Variants in SUN2 observed in about 807,000 individuals in gnomAD.
SUN2 encodes Sad1 and UNC84 domain containing 2.
SUN2 carries 60 observed loss-of-function variants against 100.0 expected under a neutral mutation model. That is an observed-to-expected ratio of 0.60 (90% confidence interval 0.49 to 0.74). The LOEUF (loss-of-function observed/expected upper bound fraction) is 0.74, where lower values mean the gene tolerates loss of function less well. SUN2 is among the 30% of genes least tolerant of loss of function. The pLI is 0.00. For synonymous variants in SUN2, 367 were observed against 403.3 expected, an observed-to-expected ratio of 0.91 and a Z score of 1.08; for missense variants, 834 against 954.6, an observed-to-expected ratio of 0.87 and a Z score of 1.66.
Position 38,755,919 on chromosome 22 carries a change from A to T in SUN2, c.-194T>A. The T allele has an allele frequency of 1.0e-6, 1 of 982,628 alleles. No individual in the cohort carries two copies. The highest frequency in any genetic ancestry group is 1.2e-6 in the Non-Finnish European group (1 of 828,936). 60.9% of individuals were successfully genotyped at this position (982,628 alleles called of 1,614,324 possible). A position where few individuals can be genotyped will look rare whatever the true frequency, so the allele number is the denominator to read the frequency against. On this transcript the variant is annotated 5_prime_UTR_variant, in exon 1 of 18. Transcript: ENST00000689035. The surrounding 1 kb of genome is among the most constrained non-coding windows in gnomAD (Gnocchi z 5.7). ...GCGCGCGGGCACGCGAAGAGCGGCG[A>T]CGCGGGACAAGGCGGGCGGGCGGAC...
Position 38,755,992 on chromosome 22 carries a change from C to A in SUN2, c.-267G>T. 3 of 984,542 alleles carry A rather than the reference C, an allele frequency of 3.0e-6. No individual in the cohort carries two copies. Among genetic ancestry groups the A allele is most frequent in the African/African-American group, 1.7e-5 (1 of 57,224 alleles). The allele number at this position is 984,542 out of a possible 1,614,324, so 61.0% of individuals were successfully genotyped here. ...GCTGCGCGAGTGGGGCCGGGCGGCG[C>A]GCGTGTGGCCGACTCTGTATGTGTG... On this transcript the variant is annotated 5_prime_UTR_variant, in exon 1 of 18. Transcript: ENST00000689035. The surrounding 1 kb of genome is among the most constrained non-coding windows in gnomAD (Gnocchi z 5.7).
chr22:38,755,200 G>T lies in SUN2; in HGVS notation c.-38+563C>A, dbSNP rs930132678. 14 of 1,174,788 alleles carry T rather than the reference G, an allele frequency of 1.2e-5. No individual in the cohort carries two copies. The Admixed American group carries it at 5.2e-4, about 43-fold the overall frequency. The allele number at this position is 1,174,788 out of a possible 1,614,324, so 72.8% of individuals were successfully genotyped here. A position where few individuals can be genotyped will look rare whatever the true frequency, so the allele number is the denominator to read the frequency against. Reference sequence around the variant, plus strand: ...ATTTCCACTCCCTGGGCACAGCCAGGCCACACGCCCTTGTGGGACCTGCCA... The same window carrying T: ...ATTTCCACTCCCTGGGCACAGCCAGTCCACACGCCCTTGTGGGACCTGCCA... On this transcript the variant is annotated intron_variant, in intron 1 of 17. Transcript: ENST00000689035. The surrounding 1 kb of genome is among the most constrained non-coding windows in gnomAD (Gnocchi z 5.7).
Position 38,751,414 on chromosome 22 carries a change from G to A in SUN2, c.123-41C>T, listed in dbSNP as rs984530086. ...GAGGGCAGAGGTAGGGAGCAGGGAG[G>A]TGAGCCCAGCCAGGAGCATGAAGGA... is the stretch of plus-strand genomic sequence containing the variant. On this transcript the variant is annotated intron_variant, in intron 2 of 17. Transcript: ENST00000689035. 5.6e-6 allele frequency: 9 copies of A among 1,606,754 alleles called. No individual in the cohort carries two copies. The African/African-American group carries it at 1.1e-4, about 19-fold the overall frequency.
chr22:38,735,428 C>T lies in SUN2; in HGVS notation c.*839G>A. The T allele has an allele frequency of 3.0e-6, 1 of 338,530 alleles. No homozygotes were observed. The highest frequency in any genetic ancestry group is 2.2e-5 in the South Asian group (1 of 45,482). 21.0% of individuals were successfully genotyped at this position (338,530 alleles called of 1,614,324 possible). On this transcript the variant is annotated 3_prime_UTR_variant, in exon 18 of 18. Transcript: ENST00000689035. Reference sequence around the variant, plus strand: ...TTGCTATAACCCCAGATGCTAATGGCCCCAAAGACAGGTCTAGGTCTCCAT... The same window carrying T: ...TTGCTATAACCCCAGATGCTAATGGTCCCAAAGACAGGTCTAGGTCTCCAT...
At chr22:38,752,389 G>T in intron 2 of SUN2, 118 bp downstream of exon 2, 2 of 1,355,234 alleles carry the variant, frequency 1.5e-6, no homozygotes, top group South Asian at 1.4e-5. Flanking sequence ...CACGTCCTTC[G>T]ATTTCCACCC....
At chr22:38,744,004 A>T (rs1304653444) in intron 8 of SUN2, 1 of 152,214 alleles carries the variant, frequency 6.6e-6, no homozygotes, top group Non-Finnish European at 1.5e-5. Context: ...GCACTTTGGG[A>T]GGCCAAGGCG....
In SUN2 at chr22:38,738,698, C is replaced by T; in HGVS notation, c.1836G>A (p.Val612=). 1 of 1,613,712 alleles carries T rather than the reference C, an allele frequency of 6.2e-7. No homozygotes were observed. ...GGCGGATGCGGGCAGAGAGGCGGAC[C>T]ACGGCGAAGCCTTGTGGCCCCTGGA... ...WAFQGPQGFA[V]VRLSARIRPT... The change falls in exon 16 of 18, where the codon GTG becomes GTA. Residue 612 remains valine, a synonymous_variant. Transcript: ENST00000689035. The surrounding 1 kb of genome is among the most constrained non-coding windows in gnomAD (Gnocchi z 6.6).
chr22:38,752,432 GACC>G, intron 2 of SUN2, 72 bp downstream of exon 2: 1 of 1,526,590 alleles, frequency 6.6e-7, no homozygotes, highest in East Asian at 2.3e-5. Flanking sequence ...GGGATGGCTG[GACC>G]ACAGGGCGTG....
At chr22:38,746,965 T>G (rs1221763523) in intron 7 of SUN2, among the ~76,000 whole-genome samples, 1 of 149,106 alleles carries the variant, frequency 6.7e-6, no homozygotes. Context: ...ACCTGGGAGG[T>G]GGAGCTTGCA....
At position 38,748,739 on chromosome 22, in the gene SUN2, A is replaced by C; in HGVS notation, c.659T>G (p.Leu220Arg). Residue 220 changes from leucine to arginine, a missense_variant, in exon 7 of 18, where the codon CTG becomes CGG. By Grantham distance (102) the Leu-to-Arg change is moderately radical. Around this residue, in one of 3 missense-constraint regions of SUN2, gnomAD observed 559 missense variants for 597.7 expected, o/e 0.94. Transcript: ENST00000689035. The part of the protein sequence containing the change: ...LKTFLWFLLP[L>R]LLLTCLTYGA... The stretch of plus-strand genomic sequence containing the variant: ...ATACGTCAGGCACGTCAGCAAGAGC[A>C]GCGGCAGCAGGAACCAGAGGAACGT... 1 of 1,614,224 alleles carries C rather than the reference A, an allele frequency of 6.2e-7. No homozygotes were observed. Among genetic ancestry groups the C allele is most frequent in the Non-Finnish European group, 8.5e-7 (1 of 1,180,036 alleles).
chr22:38,738,318 C>T lies in SUN2; in HGVS notation c.1948-53G>A. ...AGGGGCTGGAGCAGGGAGAACACCC[C>T]TCCCCACTCCAATCCCTGCTCCTCC... is the stretch of plus-strand genomic sequence containing the variant. On this transcript the variant is annotated intron_variant, in intron 16 of 17. Coordinates refer to ENST00000689035, the MANE Select transcript of SUN2 (RefSeq NM_015374.3). The surrounding 1 kb of genome is among the most constrained non-coding windows in gnomAD (Gnocchi z 6.6). 1 of 1,475,748 alleles carries T rather than the reference C, an allele frequency of 6.8e-7. No homozygotes were observed. 91.4% of individuals were successfully genotyped at this position (1,475,748 alleles called of 1,614,324 possible). A position where few individuals can be genotyped will look rare whatever the true frequency, so the allele number is the denominator to read the frequency against.
At chr22:38,749,322 C>T (rs1019335037) in intron 6 of SUN2, among the ~76,000 whole-genome samples, 10 of 152,118 alleles carry the variant, frequency 6.6e-5, no homozygotes, top group African/African-American at 2.4e-4. Flanking sequence ...TCAGGCAGAG[C>T]CTCTTTGTGG....
chr22:38,745,629 C>G lies in SUN2; in HGVS notation c.813+55G>C, dbSNP rs971092510. On this transcript the variant is annotated intron_variant, in intron 8 of 17. Coordinates refer to ENST00000689035, the MANE Select transcript of SUN2 (RefSeq NM_015374.3). ...AGGCTGAGGGCGCACCCACCACTTT[C>G]ACCGTCACCTAATTATTGCTAAGCT... 4 of 1,599,468 alleles carry G rather than the reference C, an allele frequency of 2.5e-6. No homozygotes were observed. In the African/African-American group the frequency reaches 5.3e-5, roughly 21 times the overall value.
In SUN2 at chr22:38,740,334, A is replaced by C; in HGVS notation, c.1289T>G (p.Leu430Arg). The C allele has an allele frequency of 6.3e-7, 1 of 1,597,126 alleles. No individual in the cohort carries two copies. Among genetic ancestry groups the C allele is most frequent in the Non-Finnish European group, 8.5e-7 (1 of 1,172,664 alleles). The change falls in exon 12 of 18, where the codon CTG becomes CGG. Residue 430 changes from leucine (L) to arginine (R), a missense_variant. Leu to Arg is a moderately radical substitution (Grantham distance 102). Coordinates refer to ENST00000689035, the MANE Select transcript of SUN2 (RefSeq NM_015374.3). This position sits in a 1 kb window ranked among gnomAD's most constrained non-coding sequence, Gnocchi z 4.8. Reference sequence around the variant, plus strand: ...TTCTTCCGCCACCGAGCTCTGCTTCAGTGCCAGAGCCGCCAGCTCCTGCTG... The same window carrying C: ...TTCTTCCGCCACCGAGCTCTGCTTCCGTGCCAGAGCCGCCAGCTCCTGCTG... ...GLQQELAALA[L>R]KQSSVAEEVG...
intron 7 of SUN2, among the ~76,000 whole-genome samples, chr22:38,746,535 A>G (rs746381887): frequency 2.0e-5 from 3 of 152,190 alleles, no homozygotes; most frequent in Non-Finnish European, 4.4e-5. Context: ...GCTCATGCCC[A>G]TGGGGCTTGA....
At chr22:38,741,439 T>C in intron 10 of SUN2, 55 bp downstream of exon 10, 1 of 1,561,080 alleles carries the variant, frequency 6.4e-7, no homozygotes, top group Non-Finnish European at 8.8e-7. Context: ...GAGGTGAACA[T>C]GTTGGATGGG....
chr22:38,752,733 G>T (rs2092956335), intron 1 of SUN2, 68 bp from the exon 2 acceptor site: 2 of 1,483,770 alleles, frequency 1.3e-6, no homozygotes, highest in Admixed American at 2.0e-5. Flanking sequence ...TCTAGAGGAG[G>T]TGGGACAGAG....
rs529451583 is a variant in SUN2 at position 38,738,667 on chromosome 22, C to A, written c.1867G>T (p.Ala623Ser). Reference sequence around the variant, plus strand: ...TTGGGCACATGCTCTAAGGTAACGGCTGTGGGGCGGATGCGGGCAGAGAGG... The same window carrying A: ...TTGGGCACATGCTCTAAGGTAACGGATGTGGGGCGGATGCGGGCAGAGAGG... ...VRLSARIRPTAVTLEHVPKAL... is the reference protein window; with the variant it reads ...VRLSARIRPTSVTLEHVPKAL... Residue 623 changes from alanine (A) to serine (S), a missense_variant, in exon 16 of 18, where the codon GCC becomes TCC. By Grantham distance (99) the Ala-to-Ser change is moderately conservative. Coordinates refer to ENST00000689035, the MANE Select transcript of SUN2 (RefSeq NM_015374.3). This position sits in a 1 kb window ranked among gnomAD's most constrained non-coding sequence, Gnocchi z 6.6. 1.1e-5 allele frequency: 17 copies of A among 1,613,992 alleles called. No individual in the cohort carries two copies. The South Asian group carries it at 1.6e-4, about 16-fold the overall frequency.
Position 38,755,843 on chromosome 22 carries a change from G to A in SUN2, c.-118C>T. ...CGGGGCGCGCCCCCTTTCCGCGTGG[G>A]GATCCCGCGGGCGGCGCTCCGCTCA... is the stretch of plus-strand genomic sequence containing the variant. On this transcript the variant is annotated 5_prime_UTR_variant, in exon 1 of 18. Coordinates refer to ENST00000689035, the MANE Select transcript of SUN2 (RefSeq NM_015374.3). This position sits in a 1 kb window ranked among gnomAD's most constrained non-coding sequence, Gnocchi z 5.7. The A allele has an allele frequency of 1.0e-6, 1 of 982,962 alleles. No individual in the cohort carries two copies. The highest frequency in any genetic ancestry group is 1.2e-6 in the Non-Finnish European group (1 of 828,992). The allele number at this position is 982,962 out of a possible 1,614,324, so 60.9% of individuals were successfully genotyped here. A position where few individuals can be genotyped will look rare whatever the true frequency, so the allele number is the denominator to read the frequency against.
Sources: gnomAD v4.1 joint callset for allele counts (sites outside exome capture counted in the v4.1 genomes callset) on GRCh38, gnomAD v4.1.1 for gene constraint, gnomAD v4.1.1 regional missense constraint, Gnocchi (gnomAD v3.1) non-coding constraint, MANE v1.5 for transcripts, NCBI Gene and HGNC (gene_info 2026-07-23, HGNC 2026-07-21) for gene names.